Variants in ANO5 observed in about 807,000 individuals in gnomAD.
ANO5 encodes anoctamin-5.
Under a neutral mutation model 121.0 loss-of-function variants are expected in ANO5, and 109 were observed. That is an observed-to-expected ratio of 0.90 (90% confidence interval 0.77 to 1.06). The LOEUF (loss-of-function observed/expected upper bound fraction) is 1.06. ANO5 is among the 50% of genes least tolerant of loss of function. The pLI, the probability that ANO5 is intolerant of heterozygous loss-of-function variation, is 0.00. For missense variants in ANO5, 1,064 were observed against 1,078.5 expected (o/e 0.99, Z 0.19); for synonymous variants, 406 against 359.9 (o/e 1.13, Z -1.45).
At chr11:22,267,739 T>C (rs1393475172) in intron 17 of ANO5, among the ~76,000 whole-genome samples, 1 of 152,112 alleles carries the variant, frequency 6.6e-6, no homozygotes, top group African/African-American at 2.4e-5. Flanking sequence ...TACCCAGTAC[T>C]TATTCTTCCT....
intron 4 of ANO5, 55 bp from the exon 5 acceptor site, chr11:22,221,042 T>A: frequency 7.8e-7 from 1 of 1,278,872 alleles, no homozygotes; most frequent in East Asian, 2.4e-5. Flanking sequence ...TTTGTGCTTT[T>A]GCCATTTCAG....
At chr11:22,215,843 G>C (rs570967195) in intron 3 of ANO5, among the ~76,000 whole-genome samples, 1 of 151,654 alleles carries the variant, frequency 6.6e-6, no homozygotes, top group African/African-American at 2.4e-5. Context: ...TCTAGCAACC[G>C]CTGATTTGTT....
rs1214099966 is a variant in ANO5 at position 22,280,458 on chromosome 11, C to G, written c.*693C>G. ...GATAATAATTTGGTTATAATAGTTTCAAGACTGATCTTATCTGGAAAGCAA... is the reference window on the plus strand; with the variant it reads ...GATAATAATTTGGTTATAATAGTTTGAAGACTGATCTTATCTGGAAAGCAA... On this transcript the variant is annotated 3_prime_UTR_variant, in exon 22 of 22. Coordinates refer to ENST00000324559, the MANE Select transcript of ANO5 (RefSeq NM_213599.3). The G allele has an allele frequency of 1.3e-5, 2 of 151,740 alleles. No individual in the cohort carries two copies. The highest frequency in any genetic ancestry group is 2.4e-5 in the African/African-American group (1 of 41,366). 9.4% of individuals were successfully genotyped at this position (151,740 alleles called of 1,614,324 possible). A position where few individuals can be genotyped will look rare whatever the true frequency, so the allele number is the denominator to read the frequency against.
At position 22,280,635 on chromosome 11, in the gene ANO5, A is replaced by G. The variant is rs1397264467; in HGVS notation, c.*870A>G. On this transcript the variant is annotated 3_prime_UTR_variant, in exon 22 of 22. Transcript: ENST00000324559. ...AAAATTGTTAAATTATTTCTTAAAA[A>G]TCACTTTTCTTCTGGAATGCCAATT... 2.0e-5 allele frequency: 3 copies of G among 151,972 alleles called. No homozygotes were observed. Among genetic ancestry groups the G allele is most frequent in the Non-Finnish European group, 4.4e-5 (3 of 67,866 alleles). 9.4% of individuals were successfully genotyped at this position (151,972 alleles called of 1,614,324 possible). A position where few individuals can be genotyped will look rare whatever the true frequency, so the allele number is the denominator to read the frequency against.
intron 5 of ANO5, among the ~76,000 whole-genome samples, chr11:22,221,519 T>G (rs2133590161): frequency 6.6e-6 from 1 of 152,178 alleles, no homozygotes; most frequent in South Asian, 2.1e-4. Flanking sequence ...ATATAATAAT[T>G]ACCTTTTGTA....
chr11:22,257,792 C>A, intron 14 of ANO5, 38 bp downstream of exon 14: 1 of 1,527,622 alleles, frequency 6.5e-7, no homozygotes, highest in Non-Finnish European at 9.1e-7. Flanking sequence ...ATTTCTTCAA[C>A]AGGTGATTAA....
chr11:22,234,841 C>T (rs1853161445), intron 7 of ANO5, among the ~76,000 whole-genome samples: 1 of 152,004 alleles, frequency 6.6e-6, no homozygotes, highest in African/African-American at 2.4e-5. Context: ...ACTGTTTATC[C>T]CCATTGATCC....
chr11:22,200,305 G>T (rs1278134720), intron 1 of ANO5, among the ~76,000 whole-genome samples: 4 of 152,086 alleles, frequency 2.6e-5, no homozygotes, highest in Non-Finnish European at 5.9e-5. Context: ...AAATAGTCAG[G>T]TCTGTATGAC....
At chr11:22,210,957 A>T (rs989662575) in intron 2 of ANO5, among the ~76,000 whole-genome samples, 7 of 151,766 alleles carry the variant, frequency 4.6e-5, no homozygotes, top group Non-Finnish European at 8.8e-5. Flanking sequence ...CTTGTATCTG[A>T]TTTCTTTTAT....
intron 1 of ANO5, among the ~76,000 whole-genome samples, chr11:22,195,577 G>A (rs1851784647): frequency 6.6e-6 from 1 of 151,980 alleles, no homozygotes. Flanking sequence ...TATGGGTGCT[G>A]CACCACGACC....
rs1168346560 is a variant in ANO5, at chr11:22,218,255, C to T, written c.148C>T (p.Arg50Ter). 2.5e-6 allele frequency: 4 copies of T among 1,613,172 alleles called. No individual in the cohort carries two copies. The highest frequency in any genetic ancestry group is 1.3e-5 in the African/African-American group (1 of 74,818). Reference sequence around the variant, plus strand: ...ATTGGTTGCTTCACAGCCTGCAAAGCGATTCAATTTGTTCCTGAGGCGGCG... The same window carrying T: ...ATTGGTTGCTTCACAGCCTGCAAAGTGATTCAATTTGTTCCTGAGGCGGCG... ...LINEETMPAK[R>*]FNLFLRRRLM... Residue 50 changes from arginine (R) to a stop codon, truncating the protein, a stop_gained, in exon 4 of 22, where the codon CGA (arginine) becomes TGA (stop). Transcript: ENST00000324559. LOFTEE classifies it high-confidence loss of function.
intron 2 of ANO5, among the ~76,000 whole-genome samples, chr11:22,209,819 A>G (rs1457362036): frequency 6.6e-6 from 1 of 151,916 alleles, no homozygotes; most frequent in African/African-American, 2.4e-5. Context: ...GAGATTGTAA[A>G]ATGACTAGCC....
intron 9 of ANO5, among the ~76,000 whole-genome samples, chr11:22,246,705 T>G (rs1853629925): frequency 6.6e-6 from 1 of 151,418 alleles, no homozygotes; most frequent in Admixed American, 6.6e-5. Context: ...ACTACAAAAA[T>G]TACCCCAGCG....
At chr11:22,218,828 G>A (rs1468026340) in intron 4 of ANO5, among the ~76,000 whole-genome samples, 1 of 152,034 alleles carries the variant, frequency 6.6e-6, no homozygotes, top group Non-Finnish European at 1.5e-5. Context: ...CTCTCAAAGT[G>A]CTGGGATTAC....
In ANO5 at chr11:22,227,416, C is replaced by T. The variant is rs200531045; in HGVS notation, c.478C>T (p.Arg160Cys). The T allele has an allele frequency of 3.8e-5, 62 of 1,613,306 alleles. No homozygotes were observed. The African/African-American group carries it at 5.1e-4, about 13-fold the overall frequency. The change falls in exon 7 of 22, where the codon CGC (arginine) becomes TGC (cysteine). Residue 160 changes from arginine (R) to cysteine (C), a missense_variant. By Grantham distance (180) the Arg-to-Cys change is radical. Coordinates refer to ENST00000324559, the MANE Select transcript of ANO5 (RefSeq NM_213599.3). ...GCCTATTAAGGAGAGTGATATTCCC[C>T]GCCCTAAGCACACTCCTATAAGCTA... ...KMPIKESDIPRPKHTPISYVL... is the reference protein window; with the variant it reads ...KMPIKESDIPCPKHTPISYVL...
chr11:22,259,417 A>C, intron 14 of ANO5, 102 bp from the exon 15 acceptor site: 2 of 1,261,054 alleles, frequency 1.6e-6, no homozygotes, highest in Non-Finnish European at 2.3e-6. Context: ...AGAACTGCTA[A>C]ACTTCATATA....
intron 3 of ANO5, 131 bp from the exon 4 acceptor site, chr11:22,218,115 T>TCACACA (rs71034578): frequency 6.1e-5 from 37 of 607,776 alleles, no homozygotes; most frequent in African/African-American, 4.6e-4. Context: ...GTTTGAAATA[T>TCACACA]CACACACACA....
Position 22,227,588 on chromosome 11 carries a change from T to C in ANO5, c.648+2T>C. 6.2e-7 allele frequency: 1 copy of C among 1,613,274 alleles called. No homozygotes were observed. The highest frequency in any genetic ancestry group is 1.1e-5 in the South Asian group (1 of 91,076). On this transcript the variant is annotated splice_donor_variant, in intron 7 of 21. Transcript: ENST00000324559. LOFTEE classifies it high-confidence loss of function. ...CCATCCTCATCAAGAAACAGAATTG[T>C]AGGTAGAGAAGACCTTTGGGCACAT...
Position 22,193,539 on chromosome 11 carries a change from C to T in ANO5, c.40+7C>T. 5.6e-6 allele frequency: 9 copies of T among 1,612,288 alleles called. No homozygotes were observed. The highest frequency in any genetic ancestry group is 7.6e-6 in the Non-Finnish European group (9 of 1,179,566). ...GAAGTGTTGGCGGAGGAAGGTAGGA[C>T]CGCGCCAAGAGGCGTCAAGGGAGAG... is the stretch of plus-strand genomic sequence containing the variant. On this transcript the variant is annotated splice_region_variant and intron_variant, in intron 1 of 21. Coordinates refer to ENST00000324559, the MANE Select transcript of ANO5 (RefSeq NM_213599.3).
Sources: gnomAD v4.1 joint callset for allele counts (sites outside exome capture counted in the v4.1 genomes callset) on GRCh38, gnomAD v4.1.1 for gene constraint, MANE v1.5 for transcripts, NCBI Gene and HGNC (gene_info 2026-07-23, HGNC 2026-07-21) for gene names.